The following GFOD1 variants were observed in gnomAD, a reference collection of about 807,000 sequenced individuals.
GFOD1 encodes glucose-fructose oxidoreductase domain-containing protein 1.
GFOD1 carries 9 observed loss-of-function variants against 25.4 expected under a neutral mutation model. That is an observed-to-expected ratio of 0.35 (90% CI 0.21 to 0.62). The LOEUF is 0.62. Ranked by LOEUF, GFOD1 falls within the 20% of genes least tolerant of loss-of-function variation. GFOD1 has a pLI of 0.72. For synonymous variants in GFOD1, 253 were observed against 245.6 expected, an observed-to-expected ratio of 1.03 and a Z score of -0.28; for missense variants, 403 against 556.9, an observed-to-expected ratio of 0.72 and a Z score of 2.78.
intron 1 of GFOD1, chr6:13,471,846 C>T (rs1758513057): frequency 6.6e-6 from 1 of 152,420 alleles, no homozygotes; most frequent in Non-Finnish European, 1.5e-5. Flanking sequence ...ATGGTAGCTA[C>T]CAGCCAGCCC....
rs572479355 is a variant in GFOD1 at position 13,357,897 on chromosome 6, A to T, written c.*6846T>A. ...TATCCCACCAATGCAAATTGCGGAG[A>T]ACAGCTGGAAGCCACGTCAGAGCGG... On this transcript the variant is annotated 3_prime_UTR_variant, in exon 2 of 2. Coordinates refer to ENST00000379287, the MANE Select transcript of GFOD1 (RefSeq NM_018988.4). 1 of 152,410 alleles carries T rather than the reference A, an allele frequency of 6.6e-6. No individual in the cohort carries two copies. The highest frequency in any genetic ancestry group is 2.1e-4 in the South Asian group (1 of 4,824). The allele number at this position is 152,410 out of a possible 1,614,324, so 9.4% of individuals were successfully genotyped here.
intron 1 of GFOD1, among the ~76,000 whole-genome samples, chr6:13,451,348 C>T (rs1478619725): frequency 2.6e-5 from 4 of 152,156 alleles, no homozygotes; most frequent in African/African-American, 9.7e-5. Context: ...GGGAAACAGA[C>T]CAGCAACACG....
intron 1 of GFOD1, among the ~76,000 whole-genome samples, chr6:13,418,035 A>G (rs1472397173): frequency 6.6e-6 from 1 of 152,234 alleles, no homozygotes; most frequent in African/African-American, 2.4e-5. Context: ...TCTAAAGCTG[A>G]ATGCCTTGGG....
chr6:13,364,476 C>T lies in GFOD1; in HGVS notation c.*267G>A. The stretch of plus-strand genomic sequence containing the variant: ...GGGCAGCAGAGGCAGCTAAACCAAA[C>T]CACTCTCGTGCAAATACCCAGCAGG... On this transcript the variant is annotated 3_prime_UTR_variant, in exon 2 of 2. Transcript: ENST00000379287. This position sits in a 1 kb window ranked among gnomAD's most constrained non-coding sequence, Gnocchi z 4.1. 1 of 490,000 alleles carries T rather than the reference C, an allele frequency of 2.0e-6. No homozygotes were observed. The highest frequency in any genetic ancestry group is 3.3e-5 in the East Asian group (1 of 29,880). The allele number at this position is 490,000 out of a possible 1,614,324, so 30.4% of individuals were successfully genotyped here.
At chr6:13,426,517 C>T (rs1300597154) in intron 1 of GFOD1, among the ~76,000 whole-genome samples, 4 of 152,214 alleles carry the variant, frequency 2.6e-5, no homozygotes, top group Admixed American at 2.6e-4. Context: ...CCTTTGGTCT[C>T]TCAAGGATCC....
intron 1 of GFOD1, among the ~76,000 whole-genome samples, chr6:13,454,973 A>G (rs1026215212): frequency 1.3e-5 from 2 of 152,166 alleles, no homozygotes; most frequent in African/African-American, 4.8e-5. Context: ...CAAAAACCTG[A>G]AAGACACTGT....
At chr6:13,449,642 T>C (rs1158130659) in intron 1 of GFOD1, among the ~76,000 whole-genome samples, 2 of 152,168 alleles carry the variant, frequency 1.3e-5, no homozygotes, top group Admixed American at 6.5e-5. Context: ...TTCCCCCATA[T>C]TGTTCTCATG....
chr6:13,404,493 C>CT (rs1785910097), intron 1 of GFOD1, among the ~76,000 whole-genome samples: 1 of 152,176 alleles, frequency 6.6e-6, no homozygotes, highest in Admixed American at 6.5e-5. Flanking sequence ...AGTTCTGCTG[C>CT]TTTTTTGCTA....
chr6:13,372,643 G>C (rs940166200), intron 1 of GFOD1, among the ~76,000 whole-genome samples: 33 of 152,194 alleles, frequency 2.2e-4, no homozygotes, highest in African/African-American at 8.0e-4. Context: ...CCACAGAGCA[G>C]GTACCCGTTG....
At position 13,360,996 on chromosome 6, in the gene GFOD1, G is replaced by A. The variant is rs1784938328; in HGVS notation, c.*3747C>T. 1 of 384,022 alleles carries A rather than the reference G, an allele frequency of 2.6e-6. No homozygotes were observed. Among genetic ancestry groups the A allele is most frequent in the Non-Finnish European group, 5.2e-6 (1 of 192,816 alleles). 23.8% of individuals were successfully genotyped at this position (384,022 alleles called of 1,614,324 possible). ...CCTCTTACTGCCTCCATTTTCTCAT[G>A]TGTATAAAAGAAATAGCAATACCCA... On this transcript the variant is annotated 3_prime_UTR_variant, in exon 2 of 2. Transcript: ENST00000379287.
chr6:13,421,549 T>C (rs1236357940), intron 1 of GFOD1, among the ~76,000 whole-genome samples: 2 of 150,978 alleles, frequency 1.3e-5, no homozygotes, highest in Non-Finnish European at 2.9e-5. Flanking sequence ...TATCCATCCA[T>C]ATTTAAAAAA....
intron 1 of GFOD1, chr6:13,486,246 A>ACCCCCCCCCC (rs1758864182): frequency 6.1e-6 from 1 of 163,312 alleles, no homozygotes. Context: ...CCACCCCCCC[A>ACCCCCCCCCC]TCCCCCCCCC....
intron 1 of GFOD1, among the ~76,000 whole-genome samples, chr6:13,391,273 A>T (rs1017104284): frequency 1.3e-5 from 2 of 152,156 alleles, no homozygotes; most frequent in East Asian, 3.8e-4. Flanking sequence ...ACAGCTATAC[A>T]TTATTTAAGA....
intron 1 of GFOD1, among the ~76,000 whole-genome samples, chr6:13,434,163 G>C (rs1435000094): frequency 6.6e-6 from 1 of 152,256 alleles, no homozygotes; most frequent in Non-Finnish European, 1.5e-5. Flanking sequence ...TAGAGGTCAA[G>C]TGCAGGGCAT....
At chr6:13,427,541 C>T (rs964293672) in intron 1 of GFOD1, among the ~76,000 whole-genome samples, 34 of 152,202 alleles carry the variant, frequency 2.2e-4, no homozygotes, top group African/African-American at 7.9e-4. Flanking sequence ...GTCCCGCCTA[C>T]TCAGCAGACT....
chr6:13,436,842 C>T (rs1229133863), intron 1 of GFOD1, among the ~76,000 whole-genome samples: 1 of 152,172 alleles, frequency 6.6e-6, no homozygotes, highest in African/African-American at 2.4e-5. Flanking sequence ...AAAGGCTTGG[C>T]TAGCCTGAGA....
At chr6:13,370,606 G>A (rs1785131721) in intron 1 of GFOD1, among the ~76,000 whole-genome samples, 1 of 151,854 alleles carries the variant, frequency 6.6e-6, no homozygotes, top group Non-Finnish European at 1.5e-5. Context: ...TCTTTTTCCA[G>A]CTTTTCCCCA....
intron 1 of GFOD1, among the ~76,000 whole-genome samples, chr6:13,466,976 C>G (rs1467352325): frequency 6.6e-6 from 1 of 152,134 alleles, no homozygotes. Flanking sequence ...ACACACACTA[C>G]TGGCAAGCAG....
intron 1 of GFOD1, among the ~76,000 whole-genome samples, chr6:13,387,386 G>A (rs912571419): frequency 2.0e-5 from 3 of 152,076 alleles, no homozygotes; most frequent in African/African-American, 7.2e-5. Context: ...CTGGCAAACC[G>A]AATCCAGCAG....
Sources: gnomAD v4.1 joint callset for allele counts (sites outside exome capture counted in the v4.1 genomes callset) on GRCh38, gnomAD v4.1.1 for gene constraint, Gnocchi (gnomAD v3.1) non-coding constraint, MANE v1.5 for transcripts, NCBI Gene and HGNC (gene_info 2026-07-23, HGNC 2026-07-21) for gene names.